Variants in ETV6 observed in about 807,000 individuals in gnomAD.
ETV6 encodes the protein transcription factor ETV6.
ETV6 carries 16 observed loss-of-function variants against 51.1 expected under a neutral mutation model. The ratio of observed to expected loss-of-function variants is 0.31; its 90% CI spans 0.21 to 0.48. The LOEUF is 0.48. ETV6 is among the 20% of genes least tolerant of loss of function. The pLI, the probability that ETV6 is intolerant of heterozygous loss-of-function variation, is 0.99. For synonymous variants in ETV6, 240 were observed against 224.1 expected, an observed-to-expected ratio of 1.07 and a Z score of -0.64; for missense variants, 458 against 594.8, an observed-to-expected ratio of 0.77 and a Z score of 2.39.
At position 11,680,023 on chromosome 12, in the gene ETV6, G is replaced by A. The variant is rs1864497246; in HGVS notation, c.33+29863G>A. On this transcript the variant is annotated intron_variant, in intron 1 of 7. Coordinates refer to ENST00000396373, the MANE Select transcript of ETV6 (RefSeq NM_001987.5). ...TTGGATAAGACTCTTACCATTCTGGGCTTGTAGTTTTTCTCTGTAAAAGTT... is the reference window on the plus strand; with the variant it reads ...TTGGATAAGACTCTTACCATTCTGGACTTGTAGTTTTTCTCTGTAAAAGTT... Among the ~76,000 whole-genome samples the A allele has an allele frequency of 2.0e-5, 3 of 152,158 alleles. No individual in the cohort carries two copies. The South Asian group carries it at 6.2e-4, about 32-fold the overall frequency.
chr12:11,863,702 C>T lies in ETV6; in HGVS notation c.464-5722C>T, dbSNP rs147329575. Among the ~76,000 whole-genome samples, 142 of 152,348 alleles carry T rather than the reference C, an allele frequency of 9.3e-4. 4 individuals are homozygous for T. The East Asian group carries it at 0.021, about 23-fold the overall frequency. ...TGGGGGATTTAATGCACCCACTGTCCGCTCAGTGCATTTCCTGTGTCCGGA... is the reference window on the plus strand; with the variant it reads ...TGGGGGATTTAATGCACCCACTGTCTGCTCAGTGCATTTCCTGTGTCCGGA... On this transcript the variant is annotated intron_variant, in intron 4 of 7. Transcript: ENST00000396373.
intron 1 of ETV6, among the ~76,000 whole-genome samples, chr12:11,747,998 C>T (rs1865939674): frequency 1.3e-5 from 2 of 152,356 alleles, no homozygotes; most frequent in Non-Finnish European, 1.5e-5. Context: ...GTACAAGCAT[C>T]AGCTTTCTCA....
intron 1 of ETV6, among the ~76,000 whole-genome samples, chr12:11,707,145 C>G (rs1050375994): frequency 2.0e-5 from 3 of 152,090 alleles, no homozygotes; most frequent in African/African-American, 7.2e-5. Flanking sequence ...TAAACAAGAG[C>G]GCTCAATTGC....
intron 2 of ETV6, among the ~76,000 whole-genome samples, chr12:11,830,181 A>G (rs1946221699): frequency 6.6e-6 from 1 of 152,134 alleles, no homozygotes; most frequent in Admixed American, 6.5e-5. Context: ...AGAGGTCAGA[A>G]GGTGCTCTGT....
At chr12:11,794,954 T>C (rs748837738) in intron 2 of ETV6, among the ~76,000 whole-genome samples, 1 of 152,248 alleles carries the variant, frequency 6.6e-6, no homozygotes, top group Non-Finnish European at 1.5e-5. Context: ...TCTTGTTTTG[T>C]GACCGTTGAA....
At chr12:11,844,522 G>C (rs1257249665) in intron 3 of ETV6, among the ~76,000 whole-genome samples, 2 of 152,082 alleles carry the variant, frequency 1.3e-5, no homozygotes, top group Admixed American at 6.5e-5. Flanking sequence ...TGAAAATACT[G>C]GTCTTTACAT....
chr12:11,765,250 A>C (rs1309314043), intron 2 of ETV6, among the ~76,000 whole-genome samples: 1 of 152,170 alleles, frequency 6.6e-6, no homozygotes, highest in Non-Finnish European at 1.5e-5. Context: ...TGTCCCTTTC[A>C]GAGCCCTGGC....
At position 11,806,598 on chromosome 12, in the gene ETV6, A is replaced by G. The variant is rs183299856; in HGVS notation, c.164-32542A>G. On this transcript the variant is annotated intron_variant, in intron 2 of 7. Transcript: ENST00000396373. The stretch of plus-strand genomic sequence containing the variant: ...GTTTTCATGTTTAAAAAGTTTCCTG[A>G]CAATGTGTCTAGCAATGTGCTAGAC... Among the ~76,000 whole-genome samples, 6 of 152,326 alleles carry G rather than the reference A, an allele frequency of 3.9e-5. No individual in the cohort carries two copies. The East Asian group carries it at 9.6e-4, about 24-fold the overall frequency.
chr12:11,833,027 C>T (rs542645615), intron 2 of ETV6, among the ~76,000 whole-genome samples: 29 of 152,318 alleles, frequency 1.9e-4, no homozygotes, highest in African/African-American at 7.0e-4. Context: ...GAGAAGACTG[C>T]AGCAGGCTGG....
At chr12:11,768,938 C>A (rs1315278217) in intron 2 of ETV6, 1 of 486,842 alleles carries the variant, frequency 2.1e-6, no homozygotes, top group South Asian at 1.5e-5. Flanking sequence ...TGGGCTTGTT[C>A]TGAAGAAAAT....
At chr12:11,772,351 A>G (rs1945254069) in intron 2 of ETV6, among the ~76,000 whole-genome samples, 1 of 152,118 alleles carries the variant, frequency 6.6e-6, no homozygotes, top group African/African-American at 2.4e-5. Context: ...AATTTCATGA[A>G]CCTCTTCCCT....
intron 2 of ETV6, chr12:11,826,583 G>C (rs1946156639): frequency 6.6e-6 from 1 of 152,206 alleles, no homozygotes; most frequent in Admixed American, 6.5e-5. Flanking sequence ...TCATTCATCT[G>C]ACTACCCACC....
chr12:11,696,933 T>C (rs1490377090), intron 1 of ETV6, among the ~76,000 whole-genome samples: 8 of 152,380 alleles, frequency 5.3e-5, no homozygotes, highest in African/African-American at 1.9e-4. Context: ...CATCTTTTTA[T>C]TTCTAGTAGC....
At chr12:11,691,244 G>T (rs1224433877) in intron 1 of ETV6, among the ~76,000 whole-genome samples, 1 of 152,120 alleles carries the variant, frequency 6.6e-6, no homozygotes, top group Non-Finnish European at 1.5e-5. Context: ...CCATCACATT[G>T]AGAGTTAGGA....
chr12:11,722,410 T>G (rs2120933533), intron 1 of ETV6, among the ~76,000 whole-genome samples: 1 of 152,342 alleles, frequency 6.6e-6, no homozygotes, highest in African/African-American at 2.4e-5. Flanking sequence ...TAGAGATACA[T>G]TCACCTGCTA....
At chr12:11,808,614 A>T (rs1945866234) in intron 2 of ETV6, among the ~76,000 whole-genome samples, 1 of 152,366 alleles carries the variant, frequency 6.6e-6, no homozygotes, top group Non-Finnish European at 1.5e-5. Context: ...ACCATTTTAT[A>T]TAAGGGATTT....
intron 4 of ETV6, among the ~76,000 whole-genome samples, chr12:11,863,821 A>G (rs966340549): frequency 6.6e-6 from 1 of 152,218 alleles, no homozygotes; most frequent in African/African-American, 2.4e-5. Context: ...TGAGAATGTC[A>G]TAGCCTACTC....
rs1328764391 is a variant in ETV6, at chr12:11,891,238, G to T, written c.*192G>T. The T allele has an allele frequency of 5.7e-6, 3 of 527,680 alleles. No individual in the cohort carries two copies. Among genetic ancestry groups the T allele is most frequent in the Non-Finnish European group, 1.0e-5 (3 of 295,902 alleles). 32.7% of individuals were successfully genotyped at this position (527,680 alleles called of 1,614,324 possible). A position where few individuals can be genotyped will look rare whatever the true frequency, so the allele number is the denominator to read the frequency against. Reference sequence around the variant, plus strand: ...TAGACAAACTACCCAGCACAGGCGGGGCTGGAATTCTGGCGGAGGGCATGA... The same window carrying T: ...TAGACAAACTACCCAGCACAGGCGGTGCTGGAATTCTGGCGGAGGGCATGA... On this transcript the variant is annotated 3_prime_UTR_variant, in exon 8 of 8. Transcript: ENST00000396373.
At chr12:11,667,696 ATTTTTTTTT>A (rs34458275) in intron 1 of ETV6, among the ~76,000 whole-genome samples, 1 of 72,970 alleles carries the variant, frequency 1.4e-5, no homozygotes, top group Non-Finnish European at 2.6e-5. Context: ...TACCTGGCTA[ATTTTTTTTT>A]TTTTTTTTTT....
Sources: allele counts gnomAD v4.1 joint callset (sites outside exome capture counted in the v4.1 genomes callset), GRCh38; gene constraint gnomAD v4.1.1; transcripts MANE v1.5; gene names NCBI Gene and HGNC (gene_info 2026-07-23, HGNC 2026-07-21).